KRT72: variants seen among roughly 807,000 people sequenced by gnomAD.
KRT72 encodes keratin 72, also known as keratin, type II cytoskeletal 72.
In KRT72, 44 loss-of-function variants were observed where a neutral mutation model predicts 44.7. That is an observed-to-expected ratio of 0.98 (90% CI 0.77 to 1.27). The LOEUF is 1.27. Among genes scored for constraint, KRT72 ranks in the 50% most tolerant of loss-of-function variants. The probability of loss-of-function intolerance (pLI) is 0.00; values close to 1 mark genes in which losing one functional copy is unlikely to be tolerated. For missense variants in KRT72, 736 were observed against 667.1 expected (o/e 1.10, Z -1.14); for synonymous variants, 302 against 280.4 (o/e 1.08, Z -0.77).
chr12:52,592,171 C>T (rs1940059113), intron 4 of KRT72, among the ~76,000 whole-genome samples: 1 of 152,200 alleles, frequency 6.6e-6, no homozygotes, highest in African/African-American at 2.4e-5. Context: ...TGTTTTCCTG[C>T]CAAGCTGTGA....
At chr12:52,596,598 C>T (rs1940234441) in intron 2 of KRT72, among the ~76,000 whole-genome samples, 1 of 151,138 alleles carries the variant, frequency 6.6e-6, no homozygotes, top group Non-Finnish European at 1.5e-5. Context: ...GTCACCCAGA[C>T]TGGAGTGCGG....
At chr12:52,591,359 T>TACACAC (rs71092772) in intron 5 of KRT72, 105 bp downstream of exon 5, 241,384 of 1,122,984 alleles carry the variant, frequency 0.21, 18,239 homozygotes, top group South Asian at 0.29. Flanking sequence ...TGAGCCCAAA[T>TACACAC]ACACACACAC....
intron 6 of KRT72, among the ~76,000 whole-genome samples, chr12:52,590,217 T>A (rs1158883833): frequency 6.6e-6 from 1 of 152,184 alleles, no homozygotes. Flanking sequence ...GGGACCTCGG[T>A]GCAGTGTCCT....
At chr12:52,590,481 G>A (rs759819382) in intron 6 of KRT72, among the ~76,000 whole-genome samples, 1 of 152,156 alleles carries the variant, frequency 6.6e-6, no homozygotes, top group Non-Finnish European at 1.5e-5. Flanking sequence ...GCTGAGCAGC[G>A]AGCTGCCTGC....
At position 52,601,183 on chromosome 12, in the gene KRT72, G is replaced by A; in HGVS notation, c.270C>T (p.Ser90=). The A allele has an allele frequency of 6.2e-7, 1 of 1,613,060 alleles. No homozygotes were observed. The highest frequency in any genetic ancestry group is 1.3e-5 in the African/African-American group (1 of 74,976). Residue 90 remains serine, a synonymous_variant, in exon 1 of 9, where the codon TCC becomes TCT. Transcript: ENST00000293745. Reference sequence around the variant, plus strand: ...GAGGGATGCCCCCGGGTGGGCACACGGAGGGACACTTGGGCCCCAGCCCGG... The same window carrying A: ...GAGGGATGCCCCCGGGTGGGCACACAGAGGGACACTTGGGCCCCAGCCCGG... ...GSAGLGPKCP[S]VCPPGGIPQV...
intron 3 of KRT72, 30 bp from the exon 4 acceptor site, chr12:52,592,521 G>A (rs2120758323): frequency 1.3e-6 from 2 of 1,549,006 alleles, no homozygotes; most frequent in South Asian, 2.2e-5. Context: ...AAGCCGCCCT[G>A]AGAGGGCCTC....
intron 2 of KRT72, among the ~76,000 whole-genome samples, chr12:52,593,909 A>G (rs1940143235): frequency 6.6e-6 from 1 of 152,174 alleles, no homozygotes; most frequent in Non-Finnish European, 1.5e-5. Flanking sequence ...TTAAGTGGGT[A>G]TACAGTTCCC....
In KRT72 at chr12:52,590,440, C is replaced by G. The variant is rs1939956221; in HGVS notation, c.1089+396G>C. Among the ~76,000 whole-genome samples the G allele has an allele frequency of 3.9e-5, 6 of 152,190 alleles. No homozygotes were observed. The South Asian group carries it at 1.2e-3, about 32-fold the overall frequency. On this transcript the variant is annotated intron_variant, in intron 6 of 8. Transcript: ENST00000293745. Reference sequence around the variant, plus strand: ...AACCCCAAGGCTTACCTATTCCTACCCAGTGGTGTACCCTGCTCCCTGCCA... The same window carrying G: ...AACCCCAAGGCTTACCTATTCCTACGCAGTGGTGTACCCTGCTCCCTGCCA...
Position 52,599,116 on chromosome 12 carries a change from G to A in KRT72, c.427-4C>T. ...TCTGCTGCTCCAGGAACCGCACCTG[G>A]AACCCAAAGGCAGTCATCGCCCAGA... On this transcript the variant is annotated splice_polypyrimidine_tract_variant and splice_region_variant and intron_variant, in intron 1 of 8. Transcript: ENST00000293745. 1.2e-6 allele frequency: 2 copies of A among 1,613,928 alleles called. No individual in the cohort carries two copies. Among genetic ancestry groups the A allele is most frequent in the Non-Finnish European group, 8.5e-7 (1 of 1,179,912 alleles).
At chr12:52,600,377 T>C (rs1216756010) in intron 1 of KRT72, among the ~76,000 whole-genome samples, 1 of 152,160 alleles carries the variant, frequency 6.6e-6, no homozygotes, top group Non-Finnish European at 1.5e-5. Context: ...TTGGACATCC[T>C]GACCCCTCCC....
intron 8 of KRT72, 133 bp from the exon 9 acceptor site, chr12:52,586,305 G>T: frequency 1.5e-6 from 1 of 655,638 alleles, no homozygotes; most frequent in South Asian, 2.0e-5. Flanking sequence ...TCTCTCTGTT[G>T]TGTGTTTCAG....
At chr12:52,587,123 G>C in intron 7 of KRT72, 143 bp from the exon 8 acceptor site, 1 of 719,948 alleles carries the variant, frequency 1.4e-6, no homozygotes, top group Non-Finnish European at 2.5e-6. Context: ...ACACATCCCA[G>C]TGCGACCCCC....
rs531147993 is a variant in KRT72 at position 52,601,086 on chromosome 12, C to G, written c.367G>C (p.Ala123Pro). The change falls in exon 1 of 9, where the codon GCC becomes CCC. Residue 123 changes from alanine (A) to proline (P), a missense_variant. By Grantham distance (27) the Ala-to-Pro change is conservative. Transcript: ENST00000293745. ...EMDPEIQRVR[A>P]QEREQIKALN... is the part of the protein sequence containing the mutation. ...GCCTTGATCTGCTCCCGCTCCTGGG[C>G]GCGCACCCTCTGGATCTCGGGGTCC... The G allele has an allele frequency of 4.3e-6, 7 of 1,612,484 alleles. No individual in the cohort carries two copies. In the African/African-American group the frequency reaches 9.4e-5, roughly 22 times the overall value.
Position 52,587,806 on chromosome 12 carries a change from C to T in KRT72, c.1135G>A (p.Asp379Asn), listed in dbSNP as rs141162784. The T allele has an allele frequency of 1.1e-5, 17 of 1,614,078 alleles. No homozygotes were observed. The African/African-American group carries it at 2.0e-4, about 19-fold the overall frequency. The change falls in exon 7 of 9, where the codon GAC becomes AAC. Residue 379 changes from aspartate to asparagine, a missense_variant. Coordinates refer to ENST00000293745, the MANE Select transcript of KRT72 (RefSeq NM_080747.3). ...GCCCGGGCATCTTTCAGGGCGCAGT[C>T]CCCCCGCTGTTCAGCGTCGGCGATG... ...TAIADAEQRGDCALKDARAKL... is the reference protein window; with the variant it reads ...TAIADAEQRGNCALKDARAKL...
rs776549204 is a variant in KRT72 at position 52,591,513 on chromosome 12, T to G, written c.914A>C (p.Glu305Ala). 9 of 1,613,998 alleles carry G rather than the reference T, an allele frequency of 5.6e-6. No individual in the cohort carries two copies. In the Admixed American group the frequency reaches 8.3e-5, roughly 15 times the overall value. The change falls in exon 5 of 9, where the codon GAG becomes GCG. Residue 305 changes from glutamate to alanine, a missense_variant. By Grantham distance (107) the Glu-to-Ala change is moderately radical. Coordinates refer to ENST00000293745, the MANE Select transcript of KRT72 (RefSeq NM_080747.3). ...IIAEVRAQYE[E>A]IALKSKAEAE... ...CTCGGCCTTGCTCTTTAGGGCAATC[T>G]CCTCGTACTGGGCACGGACCTCGGC...
intron 7 of KRT72, among the ~76,000 whole-genome samples, chr12:52,587,208 T>C (rs1646546513): frequency 6.6e-6 from 1 of 152,000 alleles, no homozygotes; most frequent in African/African-American, 2.4e-5. Flanking sequence ...TAGAACTGCT[T>C]GCTGTGTGGG....
intron 5 of KRT72, 105 bp downstream of exon 5, chr12:52,591,359 T>C (rs1194183159): frequency 2.7e-6 from 3 of 1,127,050 alleles, no homozygotes; most frequent in African/African-American, 1.5e-5. Flanking sequence ...TGAGCCCAAA[T>C]ACACACACAC....
intron 3 of KRT72, 95 bp from the exon 4 acceptor site, chr12:52,592,586 C>T: frequency 2.2e-6 from 2 of 911,546 alleles, no homozygotes; most frequent in Non-Finnish European, 1.7e-6. Context: ...CCTCTCCCTT[C>T]ACCCTGTGCT....
chr12:52,596,735 A>G (rs997929771), intron 2 of KRT72, among the ~76,000 whole-genome samples: 1 of 151,982 alleles, frequency 6.6e-6, no homozygotes, highest in Non-Finnish European at 1.5e-5. Flanking sequence ...TATTTTTTGT[A>G]GAGACAGGGT....
Sources: gnomAD v4.1 joint callset for allele counts (sites outside exome capture counted in the v4.1 genomes callset) on GRCh38, gnomAD v4.1.1 for gene constraint, MANE v1.5 for transcripts, NCBI Gene and HGNC (gene_info 2026-07-23, HGNC 2026-07-21) for gene names.